Variants in ELL observed in about 807,000 individuals in gnomAD.
ELL encodes the protein elongation factor for RNA polymerase II.
In ELL, 18 loss-of-function variants were observed where a neutral mutation model predicts 64.0. The ratio of observed to expected loss-of-function variants is 0.28; its 90% CI spans 0.19 to 0.42. The LOEUF (loss-of-function observed/expected upper bound fraction) is 0.42. Among genes scored for constraint, ELL ranks in the 10% least tolerant of loss-of-function variants. The probability of loss-of-function intolerance (pLI) is 1.00; values close to 1 mark genes in which losing one functional copy is unlikely to be tolerated. For synonymous variants in ELL, 399 were observed against 376.2 expected (o/e 1.06, Z -0.70); for missense variants, 797 against 870.4 (o/e 0.92, Z 1.06).
chr19:18,470,085 G>A (rs1255741294), intron 2 of ELL, among the ~76,000 whole-genome samples: 2 of 152,272 alleles, frequency 1.3e-5, no homozygotes, highest in African/African-American at 4.8e-5. Flanking sequence ...GGGAGGCTGA[G>A]GTGGGTGGAT....
At chr19:18,500,608 A>T (rs1975761065) in intron 1 of ELL, among the ~76,000 whole-genome samples, 1 of 152,146 alleles carries the variant, frequency 6.6e-6, no homozygotes, top group African/African-American at 2.4e-5. Flanking sequence ...GCCGATGGAG[A>T]GGTCGACTGG....
rs1359195870 is a variant in ELL at position 18,446,388 on chromosome 19, C to T, written c.1625G>A (p.Arg542His). 4 of 1,611,098 alleles carry T rather than the reference C, an allele frequency of 2.5e-6. No individual in the cohort carries two copies. In the Admixed American group the frequency reaches 5.0e-5, roughly 20 times the overall value. ...EYSEYRDLHA[R>H]IERITRRFTQ... The stretch of plus-strand genomic sequence containing the variant: ...GAACCGCCGCGTGATGCGCTCAATG[C>T]GGGCGTGCAGGTCGCGGTACTCGCT... Residue 542 changes from arginine (R) to histidine (H), a missense_variant, in exon 10 of 12, where the codon CGC (arginine) becomes CAC (histidine). Transcript: ENST00000262809.
chr19:18,459,229 T>C (rs1974750502), intron 5 of ELL, among the ~76,000 whole-genome samples: 1 of 152,140 alleles, frequency 6.6e-6, no homozygotes, highest in African/African-American at 2.4e-5. Context: ...CGGCTGGGGA[T>C]GCTGGGTGAG....
chr19:18,478,805 T>C (rs1158960863), intron 1 of ELL, among the ~76,000 whole-genome samples: 1 of 152,208 alleles, frequency 6.6e-6, no homozygotes, highest in Non-Finnish European at 1.5e-5. Flanking sequence ...CTGCGGTCAC[T>C]TGGCCTGGGC....
At chr19:18,465,638 G>A (rs987248633) in intron 3 of ELL, 63 bp from the exon 4 acceptor site, 4 of 1,489,688 alleles carry the variant, frequency 2.7e-6, no homozygotes, top group Non-Finnish European at 3.6e-6. Flanking sequence ...ATCCGTTGAG[G>A]GCCCAAGCCC....
intron 8 of ELL, among the ~76,000 whole-genome samples, 189 bp from the exon 9 acceptor site, chr19:18,447,003 T>C (rs369316400): frequency 2.0e-5 from 3 of 152,220 alleles, no homozygotes; most frequent in African/African-American, 7.2e-5. Flanking sequence ...TGTGGGCTGC[T>C]GGACCTGGGC....
chr19:18,483,650 G>A (rs1975353040), intron 1 of ELL, among the ~76,000 whole-genome samples: 1 of 152,168 alleles, frequency 6.6e-6, no homozygotes, highest in Admixed American at 6.5e-5. Context: ...AACCTCACAG[G>A]AAAACTGAGC....
chr19:18,521,393 AG>A (rs1354393962), intron 1 of ELL, among the ~76,000 whole-genome samples: 1 of 152,028 alleles, frequency 6.6e-6, no homozygotes, highest in African/African-American at 2.4e-5. Context: ...CCACCCAGAC[AG>A]AACAGACCCC....
chr19:18,450,613 G>C lies in ELL; in HGVS notation c.1329C>G (p.Pro443=). 6.2e-7 allele frequency: 1 copy of C among 1,611,174 alleles called. No individual in the cohort carries two copies. Among genetic ancestry groups the C allele is most frequent in the Non-Finnish European group, 8.5e-7 (1 of 1,179,150 alleles). ...ACTTCTTCTTGGGCTTGCTGCGCGA[G>C]GGGCTGCCGTGTGGCCTGCTGGGCT... ...CAQPSRPHGS[P]SRSKPKKKSK... The change falls in exon 8 of 12, where the codon CCC becomes CCG. Residue 443 remains proline (P), a synonymous_variant. Transcript: ENST00000262809.
chr19:18,518,766 G>A (rs1363505709), intron 1 of ELL, among the ~76,000 whole-genome samples: 1 of 151,954 alleles, frequency 6.6e-6, no homozygotes, highest in Non-Finnish European at 1.5e-5. Flanking sequence ...AATCCAGCTT[G>A]GGCGACAGGG....
intron 10 of ELL, 63 bp from the exon 11 acceptor site, chr19:18,445,331 G>T (rs533673420): frequency 6.0e-6 from 9 of 1,500,176 alleles, no homozygotes; most frequent in Non-Finnish European, 8.3e-6. Context: ...AACCCAAATT[G>T]AGTGGTCCCA....
chr19:18,461,502 G>T, intron 5 of ELL, 76 bp downstream of exon 5: 1 of 1,534,622 alleles, frequency 6.5e-7, no homozygotes, highest in South Asian at 1.2e-5. Context: ...CAGTCTCCAT[G>T]CTCTGGCCCA....
intron 1 of ELL, among the ~76,000 whole-genome samples, chr19:18,477,815 C>T (rs370953292): frequency 1.4e-4 from 21 of 152,270 alleles, no homozygotes; most frequent in East Asian, 1.2e-3. Context: ...CAGAGGATGA[C>T]GCGGGCACAG....
At chr19:18,462,202 GTGTGTGTGTGTGTGTGTGTA>G (rs886818274) in intron 4 of ELL, among the ~76,000 whole-genome samples, 12 of 123,740 alleles carry the variant, frequency 9.7e-5, no homozygotes, top group African/African-American at 3.0e-4. Context: ...GTGTGTGTGT[GTGTGTGTGTGTGTGTGTGTA>G]TGTAATCACC....
At chr19:18,511,992 TA>T (rs1426897434) in intron 1 of ELL, among the ~76,000 whole-genome samples, 2 of 151,300 alleles carry the variant, frequency 1.3e-5, no homozygotes, top group East Asian at 3.9e-4. Flanking sequence ...CCGTCTCTAC[TA>T]AAAATACAAA....
Position 18,473,214 on chromosome 19 carries a change from G to A in ELL, c.136-332C>T, listed in dbSNP as rs771025850. The A allele has an allele frequency of 1.3e-5, 8 of 599,642 alleles. No homozygotes were observed. In the Middle Eastern group the frequency reaches 7.8e-4, roughly 58 times the overall value. 37.1% of individuals were successfully genotyped at this position (599,642 alleles called of 1,614,324 possible). On this transcript the variant is annotated intron_variant, in intron 1 of 11. Coordinates refer to ENST00000262809, the MANE Select transcript of ELL (RefSeq NM_006532.4). The stretch of plus-strand genomic sequence containing the variant: ...CCTTGGAAAGCCACCACCAGCCTGT[G>A]AATCCACCGGGAGAGAAGGGCAAGG...
intron 1 of ELL, among the ~76,000 whole-genome samples, chr19:18,484,712 G>T (rs1454780370): frequency 6.6e-6 from 1 of 152,154 alleles, no homozygotes; most frequent in Non-Finnish European, 1.5e-5. Context: ...ATGCTCTTTT[G>T]CCTCCACCTG....
At chr19:18,482,765 T>G (rs1975330369) in intron 1 of ELL, among the ~76,000 whole-genome samples, 1 of 129,116 alleles carries the variant, frequency 7.7e-6, no homozygotes, top group East Asian at 2.0e-4. Flanking sequence ...TTTTGGTTTT[T>G]GTTGTTGTTG....
At chr19:18,517,161 G>T (rs142083100) in intron 1 of ELL, among the ~76,000 whole-genome samples, 324 of 152,234 alleles carry the variant, frequency 2.1e-3, no homozygotes, top group African/African-American at 7.5e-3. Flanking sequence ...CCTGGAAGGA[G>T]GGGGTGTGTC....
Sources: gnomAD v4.1 joint callset for allele counts (sites outside exome capture counted in the v4.1 genomes callset) on GRCh38, gnomAD v4.1.1 for gene constraint, MANE v1.5 for transcripts, NCBI Gene and HGNC (gene_info 2026-07-23, HGNC 2026-07-21) for gene names.